Variants in ZNF385B observed in about 807,000 individuals in gnomAD.
The protein encoded by ZNF385B is zinc finger protein 533.
Under a neutral mutation model 39.2 loss-of-function variants are expected in ZNF385B, and 23 were observed. That is an observed-to-expected ratio of 0.59 (90% CI 0.42 to 0.83). The LOEUF (loss-of-function observed/expected upper bound fraction) is 0.83. ZNF385B is among the 40% of genes least tolerant of loss of function. ZNF385B has a pLI of 0.00. For synonymous variants in ZNF385B, 205 were observed against 222.6 expected (o/e 0.92, Z 0.70); for missense variants, 552 against 598.9 (o/e 0.92, Z 0.82).
intron 3 of ZNF385B, among the ~76,000 whole-genome samples, chr2:179,728,670 C>G (rs1375780931): frequency 6.6e-6 from 1 of 152,000 alleles, no homozygotes; most frequent in Non-Finnish European, 1.5e-5. Context: ...GCACTTTCTT[C>G]CCAAAGGACT....
intron 4 of ZNF385B, among the ~76,000 whole-genome samples, chr2:179,529,087 C>T (rs937562814): frequency 3.3e-5 from 5 of 151,994 alleles, no homozygotes; most frequent in African/African-American, 9.7e-5. Context: ...GTTGATGTTC[C>T]TATTTGAGTT....
At chr2:179,800,363 G>T (rs1347397672) in intron 1 of ZNF385B, among the ~76,000 whole-genome samples, 1 of 151,722 alleles carries the variant, frequency 6.6e-6, no homozygotes, top group Non-Finnish European at 1.5e-5. Flanking sequence ...GCCCTTTTTG[G>T]ACACTACAAA....
chr2:179,788,275 C>T (rs370805435), intron 1 of ZNF385B, among the ~76,000 whole-genome samples: 12 of 152,216 alleles, frequency 7.9e-5, no homozygotes, highest in African/African-American at 2.9e-4. Flanking sequence ...GAAGTCAGTA[C>T]CTCCTGTGAG....
Position 179,722,896 on chromosome 2 carries a change from T to A in ZNF385B, c.298+46607A>T, listed in dbSNP as rs561742104. 2.6e-5 allele frequency among the ~76,000 whole-genome samples: 4 copies of A among 152,214 alleles called. No homozygotes were observed. In the South Asian group the frequency reaches 8.3e-4, roughly 32 times the overall value. On this transcript the variant is annotated intron_variant, in intron 3 of 9. Coordinates refer to ENST00000410066, the MANE Select transcript of ZNF385B (RefSeq NM_152520.6). ...TAGTGATTCTATTAAAATGGTCACATGATATGAATAGGAATTTCACCAAAG... is the reference window on the plus strand; with the variant it reads ...TAGTGATTCTATTAAAATGGTCACAAGATATGAATAGGAATTTCACCAAAG...
chr2:179,756,940 C>T (rs55728092), intron 3 of ZNF385B, among the ~76,000 whole-genome samples: 40,433 of 152,000 alleles, frequency 0.27, 5,992 homozygotes, highest in East Asian at 0.49. Flanking sequence ...AGTTTGACCA[C>T]CTGAAGCCTT....
intron 1 of ZNF385B, among the ~76,000 whole-genome samples, chr2:179,822,769 A>G (rs754705752): frequency 1.3e-5 from 2 of 152,228 alleles, no homozygotes; most frequent in Non-Finnish European, 2.9e-5. Flanking sequence ...ACCTTTTTCC[A>G]TTCTAAAGAA....
intron 3 of ZNF385B, among the ~76,000 whole-genome samples, chr2:179,664,786 T>C (rs1694937621): frequency 6.6e-6 from 1 of 152,158 alleles, no homozygotes; most frequent in Non-Finnish European, 1.5e-5. Flanking sequence ...ACATATCATA[T>C]ATTGATGTAA....
At chr2:179,701,616 T>G (rs1456014092) in intron 3 of ZNF385B, among the ~76,000 whole-genome samples, 1 of 152,208 alleles carries the variant, frequency 6.6e-6, no homozygotes, top group Non-Finnish European at 1.5e-5. Context: ...TTTCCACACG[T>G]GAGTTATTTT....
intron 3 of ZNF385B, among the ~76,000 whole-genome samples, chr2:179,609,442 T>C (rs189480796): frequency 6.6e-6 from 1 of 152,342 alleles, no homozygotes; most frequent in Non-Finnish European, 1.5e-5. Context: ...TTGTGCATTG[T>C]GTATATGTAC....
chr2:179,832,232 G>T (rs1169781646), intron 1 of ZNF385B, among the ~76,000 whole-genome samples: 3 of 152,090 alleles, frequency 2.0e-5, no homozygotes, highest in African/African-American at 7.2e-5. Flanking sequence ...TGGTTCCCCA[G>T]GACACTAGGC....
intron 3 of ZNF385B, among the ~76,000 whole-genome samples, chr2:179,599,616 T>C (rs935745908): frequency 2.0e-5 from 3 of 152,238 alleles, no homozygotes; most frequent in African/African-American, 7.2e-5. Flanking sequence ...TCCATGTCGA[T>C]ACAGTGTTTT....
chr2:179,479,692 T>G (rs1160891113), intron 6 of ZNF385B, among the ~76,000 whole-genome samples: 2 of 151,868 alleles, frequency 1.3e-5, no homozygotes, highest in Non-Finnish European at 2.9e-5. Flanking sequence ...ATACAAAAAT[T>G]AGCCTGGCTT....
At chr2:179,696,326 C>CTTTTTTTT (rs71029828) in intron 3 of ZNF385B, among the ~76,000 whole-genome samples, 1,517 of 40,316 alleles carry the variant, frequency 0.038, 602 homozygotes, top group South Asian at 0.074. Context: ...CAAACTGGGA[C>CTTTTTTTT]TTTTTTTTTT....
chr2:179,716,610 A>G (rs1200603760), intron 3 of ZNF385B, among the ~76,000 whole-genome samples: 3 of 152,194 alleles, frequency 2.0e-5, no homozygotes, highest in African/African-American at 7.2e-5. Flanking sequence ...AGAACCTTCA[A>G]TTCTAAAAGG....
At chr2:179,513,990 T>C (rs1454169252) in intron 5 of ZNF385B, 2 of 152,236 alleles carry the variant, frequency 1.3e-5, no homozygotes, top group African/African-American at 4.8e-5. Context: ...TGAGTTAAAC[T>C]ATGAAACGTG....
chr2:179,461,909 T>C (rs769518437), intron 6 of ZNF385B, among the ~76,000 whole-genome samples: 3 of 152,148 alleles, frequency 2.0e-5, no homozygotes, highest in Non-Finnish European at 4.4e-5. Flanking sequence ...GGCTCACTGA[T>C]ACCTGTTGAC....
chr2:179,757,865 T>A (rs1166187845), intron 3 of ZNF385B, among the ~76,000 whole-genome samples: 1 of 152,112 alleles, frequency 6.6e-6, no homozygotes, highest in Non-Finnish European at 1.5e-5. Context: ...TCTGTCACAG[T>A]TTCCCTTGGC....
intron 1 of ZNF385B, among the ~76,000 whole-genome samples, chr2:179,850,730 A>G (rs1684065822): frequency 6.6e-6 from 1 of 152,174 alleles, no homozygotes; most frequent in Admixed American, 6.5e-5. Flanking sequence ...GGCTTCAACA[A>G]GTGTTGAAAT....
intron 3 of ZNF385B, among the ~76,000 whole-genome samples, chr2:179,599,796 T>G (rs1156310664): frequency 6.6e-6 from 1 of 152,174 alleles, no homozygotes; most frequent in Non-Finnish European, 1.5e-5. Flanking sequence ...TTCTGAAGAC[T>G]GATGGTAGCC....
Sources: allele counts gnomAD v4.1 joint callset (sites outside exome capture counted in the v4.1 genomes callset), GRCh38; gene constraint gnomAD v4.1.1; transcripts MANE v1.5; gene names NCBI Gene and HGNC (gene_info 2026-07-23, HGNC 2026-07-21).